Variants in TEKT3 observed in about 807,000 individuals in gnomAD.
The protein encoded by TEKT3 is tektin 3.
In TEKT3, 49 loss-of-function variants were observed where a neutral mutation model predicts 49.8. That is an observed-to-expected ratio of 0.98 (90% CI 0.78 to 1.25). The LOEUF is 1.25. Ranked by LOEUF, TEKT3 falls within the 50% of genes most tolerant of loss-of-function variation. The pLI is 0.00. For synonymous variants in TEKT3, 225 were observed against 237.2 expected, an observed-to-expected ratio of 0.95 and a Z score of 0.47; for missense variants, 595 against 629.5, an observed-to-expected ratio of 0.95 and a Z score of 0.59.
chr17:15,340,260 T>C (rs1020572240), intron 1 of TEKT3, among the ~76,000 whole-genome samples, 199 bp from the exon 2 acceptor site: 8 of 151,638 alleles, frequency 5.3e-5, no homozygotes, highest in Non-Finnish European at 1.2e-4. Context: ...ACTTAAAAAG[T>C]AACAGTAGGC....
chr17:15,316,664 TC>T (rs1911026557), intron 5 of TEKT3, among the ~76,000 whole-genome samples: 4 of 152,232 alleles, frequency 2.6e-5, no homozygotes, highest in Non-Finnish European at 4.4e-5. Context: ...TGCTTCAGCA[TC>T]AGACAGCCCT....
At chr17:15,318,771 C>T (rs1323220760) in intron 5 of TEKT3, among the ~76,000 whole-genome samples, 1 of 152,162 alleles carries the variant, frequency 6.6e-6, no homozygotes, top group Non-Finnish European at 1.5e-5. Flanking sequence ...AACTCCTGGG[C>T]TCAAGCGATT....
intron 6 of TEKT3, among the ~76,000 whole-genome samples, 199 bp from the exon 7 acceptor site, chr17:15,312,680 T>C (rs933303208): frequency 2.0e-5 from 3 of 152,254 alleles, no homozygotes; most frequent in South Asian, 2.1e-4. Context: ...CAGTTTTCTA[T>C]TTATCTAAAG....
intron 4 of TEKT3, among the ~76,000 whole-genome samples, chr17:15,325,505 A>G (rs1911452469): frequency 6.6e-6 from 1 of 152,160 alleles, no homozygotes; most frequent in South Asian, 2.1e-4. Context: ...GGGATATTTT[A>G]AAAAGATCAA....
At chr17:15,315,653 G>A (rs925314386) in intron 5 of TEKT3, among the ~76,000 whole-genome samples, 1 of 151,946 alleles carries the variant, frequency 6.6e-6, no homozygotes, top group Non-Finnish European at 1.5e-5. Context: ...AAGATAGGGG[G>A]TTGGCTGGGG....
intron 4 of TEKT3, among the ~76,000 whole-genome samples, chr17:15,322,022 C>T (rs1250756273): frequency 1.3e-5 from 2 of 151,958 alleles, no homozygotes; most frequent in South Asian, 2.1e-4. Context: ...GGAACAGTGG[C>T]TGAAAACATA....
chr17:15,337,003 T>A (rs886750052), intron 2 of TEKT3, among the ~76,000 whole-genome samples: 1 of 152,166 alleles, frequency 6.6e-6, no homozygotes, highest in Non-Finnish European at 1.5e-5. Context: ...AGCTAAAAAT[T>A]ACTTTGCCAA....
chr17:15,325,229 T>C (rs1911441715), intron 4 of TEKT3, among the ~76,000 whole-genome samples: 1 of 152,222 alleles, frequency 6.6e-6, no homozygotes, highest in African/African-American at 2.4e-5. Context: ...GGCTATTCAC[T>C]ATCCTTTGAA....
rs1911725130 is a variant in TEKT3 at position 15,331,321 on chromosome 17, T to C, written c.265A>G (p.Thr89Ala). Residue 89 changes from threonine to alanine, a missense_variant, in exon 3 of 9, where the codon ACT (threonine) becomes GCT (alanine). Physicochemically the swap from Thr to Ala is moderately conservative, Grantham distance 58. Coordinates refer to ENST00000395930, the MANE Select transcript of TEKT3 (RefSeq NM_031898.3). Reference protein sequence around the residue: ...TMLPFVSNRTTFFTRYTPDDW... With the variant: ...TMLPFVSNRTAFFTRYTPDDW... ...TCCGGTGTGTATCTTGTGAAGAAAGTGGTTCTGTTGGAAACAAAGGGAAGC... is the reference window on the plus strand; with the variant it reads ...TCCGGTGTGTATCTTGTGAAGAAAGCGGTTCTGTTGGAAACAAAGGGAAGC... The C allele has an allele frequency of 6.2e-7, 1 of 1,614,196 alleles. No individual in the cohort carries two copies. Among genetic ancestry groups the C allele is most frequent in the Non-Finnish European group, 8.5e-7 (1 of 1,180,038 alleles).
chr17:15,330,192 C>T (rs1382138760), intron 3 of TEKT3, among the ~76,000 whole-genome samples: 1 of 152,118 alleles, frequency 6.6e-6, no homozygotes, highest in Non-Finnish European at 1.5e-5. Context: ...ATACAGGAGG[C>T]GTTTCATGAT....
upstream of TEKT3, among the ~76,000 whole-genome samples, chr17:15,342,862 C>G (rs949611915): frequency 1.3e-5 from 2 of 152,208 alleles, no homozygotes. Flanking sequence ...CAAATCCTGA[C>G]TAGTTTTCCC....
At chr17:15,313,284 C>T (rs1156959038) in intron 6 of TEKT3, among the ~76,000 whole-genome samples, 1 of 152,136 alleles carries the variant, frequency 6.6e-6, no homozygotes, top group Non-Finnish European at 1.5e-5. Flanking sequence ...CAACTGCGTG[C>T]ATTGTATGGT....
At chr17:15,337,804 G>A (rs930742778) in intron 2 of TEKT3, among the ~76,000 whole-genome samples, 1 of 152,164 alleles carries the variant, frequency 6.6e-6, no homozygotes, top group African/African-American at 2.4e-5. Flanking sequence ...TCATGCCACT[G>A]CACTCCAGCC....
In TEKT3 at chr17:15,331,301, T is replaced by C; in HGVS notation, c.285A>G (p.Thr95=). 6.2e-7 allele frequency: 1 copy of C among 1,614,138 alleles called. No individual in the cohort carries two copies. Among genetic ancestry groups the C allele is most frequent in the Non-Finnish European group, 8.5e-7 (1 of 1,180,018 alleles). The part of the protein sequence containing the change: ...SNRTTFFTRY[T]PDDWYRSNLT... Reference sequence around the variant, plus strand: ...AATTGGACCTGTACCAGTCATCCGGTGTGTATCTTGTGAAGAAAGTGGTTC... The same window carrying C: ...AATTGGACCTGTACCAGTCATCCGGCGTGTATCTTGTGAAGAAAGTGGTTC... Residue 95 remains threonine (T), a synonymous_variant, in exon 3 of 9, where the codon ACA becomes ACG. Coordinates refer to ENST00000395930, the MANE Select transcript of TEKT3 (RefSeq NM_031898.3).
chr17:15,323,719 G>C (rs1877065789), intron 4 of TEKT3, among the ~76,000 whole-genome samples: 1 of 152,116 alleles, frequency 6.6e-6, no homozygotes, highest in African/African-American at 2.4e-5. Flanking sequence ...TCAATACCTT[G>C]AGTAAGCCAC....
intron 4 of TEKT3, among the ~76,000 whole-genome samples, chr17:15,321,071 G>A (rs529587758): frequency 7.3e-5 from 11 of 150,868 alleles, no homozygotes; most frequent in African/African-American, 1.2e-4. Context: ...GTGCAGTGGC[G>A]CGATCTCGGC....
Position 15,303,858 on chromosome 17 carries a change from G to A in TEKT3, c.*78C>T. 1 of 1,315,384 alleles carries A rather than the reference G, an allele frequency of 7.6e-7. No homozygotes were observed. The highest frequency in any genetic ancestry group is 1.1e-6 in the Non-Finnish European group (1 of 915,702). 81.5% of individuals were successfully genotyped at this position (1,315,384 alleles called of 1,614,324 possible). A position where few individuals can be genotyped will look rare whatever the true frequency, so the allele number is the denominator to read the frequency against. The stretch of plus-strand genomic sequence containing the variant: ...AATCCTTTAATAAGTGACTATATTA[G>A]CATTCGGTTCAAATGCTGAGACAGT... On this transcript the variant is annotated 3_prime_UTR_variant, in exon 9 of 9. Transcript: ENST00000395930.
chr17:15,319,234 A>G (rs747754542), intron 4 of TEKT3, 87 bp from the exon 5 acceptor site: 12 of 1,182,488 alleles, frequency 1.0e-5, no homozygotes, highest in Non-Finnish European at 1.4e-5. Flanking sequence ...TCAATGAAGG[A>G]AAATTTTGTT....
intron 4 of TEKT3, chr17:15,327,772 C>T (rs889520013): frequency 1.8e-5 from 8 of 446,900 alleles, no homozygotes; most frequent in African/African-American, 1.4e-4. Flanking sequence ...AATAAAGCTT[C>T]AAGTGATTTT....
Sources: allele counts gnomAD v4.1 joint callset (sites outside exome capture counted in the v4.1 genomes callset), GRCh38; gene constraint gnomAD v4.1.1; transcripts MANE v1.5; gene names NCBI Gene and HGNC (gene_info 2026-07-23, HGNC 2026-07-21).